HIVEP3: variants seen among roughly 807,000 people sequenced by gnomAD.
HIVEP3 encodes HIVEP zinc finger 3.
Under a neutral mutation model 152.8 loss-of-function variants are expected in HIVEP3, and 49 were observed. That is an observed-to-expected ratio of 0.32 (90% CI 0.26 to 0.41). HIVEP3 has a LOEUF of 0.41. Among genes scored for constraint, HIVEP3 ranks in the 10% least tolerant of loss-of-function variants. The pLI, the probability that HIVEP3 is intolerant of heterozygous loss-of-function variation, is 1.00. For synonymous variants in HIVEP3, 1,269 were observed against 1,289.0 expected (o/e 0.98, Z 0.33); for missense variants, 2,790 against 3,103.3 (o/e 0.90, Z 2.40).
chr1:41,892,759 C>A (rs1321071545), intron 1 of HIVEP3, among the ~76,000 whole-genome samples: 8 of 152,110 alleles, frequency 5.3e-5, no homozygotes, highest in Non-Finnish European at 1.2e-4. Context: ...CTCAAACCAG[C>A]CACATAGCCT....
intron 1 of HIVEP3, among the ~76,000 whole-genome samples, chr1:41,963,263 G>A (rs777858140): frequency 3.3e-5 from 5 of 151,994 alleles, no homozygotes; most frequent in South Asian, 4.2e-4. Context: ...CGCCTGCCTC[G>A]GCCTCCCAAA....
At chr1:41,677,999 G>A (rs1645982402) in intron 2 of HIVEP3, among the ~76,000 whole-genome samples, 1 of 152,240 alleles carries the variant, frequency 6.6e-6, no homozygotes, top group African/African-American at 2.4e-5. Context: ...GACAGGGCAT[G>A]CCTCTCTGTG....
At chr1:42,012,435 G>A (rs1481988008) in intron 1 of HIVEP3, among the ~76,000 whole-genome samples, 1 of 132,190 alleles carries the variant, frequency 7.6e-6, no homozygotes, top group African/African-American at 2.7e-5. Context: ...CCTTATAAGA[G>A]GAAGAGCATT....
chr1:42,014,445 G>A (rs139682097), intron 1 of HIVEP3, among the ~76,000 whole-genome samples: 1 of 152,208 alleles, frequency 6.6e-6, no homozygotes, highest in Non-Finnish European at 1.5e-5. Flanking sequence ...TGGATGAGCT[G>A]ATTCGGACTT....
chr1:41,903,784 C>G (rs1351059377), intron 1 of HIVEP3, among the ~76,000 whole-genome samples: 1 of 74,198 alleles, frequency 1.3e-5, no homozygotes, highest in Non-Finnish European at 2.5e-5. Context: ...ATGCTTGCCT[C>G]TTAAAAGAGT....
At chr1:41,616,962 A>G (rs1455855058) in intron 3 of HIVEP3, among the ~76,000 whole-genome samples, 1 of 152,138 alleles carries the variant, frequency 6.6e-6, no homozygotes, top group Admixed American at 6.5e-5. Context: ...ACTTTACCAA[A>G]GAGGAGTGTG....
At chr1:41,607,879 T>G (rs912840357) in intron 3 of HIVEP3, among the ~76,000 whole-genome samples, 7 of 152,198 alleles carry the variant, frequency 4.6e-5, no homozygotes, top group African/African-American at 1.7e-4. Context: ...TCTTCTGATA[T>G]CCACAGCACA....
intron 1 of HIVEP3, among the ~76,000 whole-genome samples, chr1:41,917,047 T>C (rs926081265): frequency 2.0e-5 from 3 of 152,176 alleles, no homozygotes; most frequent in African/African-American, 7.2e-5. Context: ...CTGACCTGTA[T>C]TCTTCACATT....
chr1:41,831,616 G>T (rs1006674277), intron 1 of HIVEP3, among the ~76,000 whole-genome samples: 1 of 152,184 alleles, frequency 6.6e-6, no homozygotes, highest in Non-Finnish European at 1.5e-5. Flanking sequence ...TCAACATGGG[G>T]TTCATCAAAG....
At chr1:41,515,954 G>A (rs1489233495) in intron 7 of HIVEP3, among the ~76,000 whole-genome samples, 1 of 152,182 alleles carries the variant, frequency 6.6e-6, no homozygotes, top group Non-Finnish European at 1.5e-5. Context: ...CAGGGGTAGT[G>A]TTAGGAGTGA....
chr1:42,029,611 A>T (rs1386960415), intron 1 of HIVEP3, among the ~76,000 whole-genome samples: 2 of 152,230 alleles, frequency 1.3e-5, no homozygotes, highest in East Asian at 3.8e-4. Context: ...AGTAGAGGGT[A>T]AAAATGCATT....
At chr1:41,660,401 C>T (rs960861220) in intron 2 of HIVEP3, among the ~76,000 whole-genome samples, 1 of 152,202 alleles carries the variant, frequency 6.6e-6, no homozygotes, top group Non-Finnish European at 1.5e-5. Context: ...AGCAGCAAGA[C>T]TGGTTCTAGA....
intron 1 of HIVEP3, among the ~76,000 whole-genome samples, chr1:41,943,884 A>T (rs2124486963): frequency 6.6e-6 from 1 of 152,382 alleles, no homozygotes; most frequent in Non-Finnish European, 1.5e-5. Context: ...CCATCAGCAG[A>T]TGAATGGATA....
rs559096932 is a variant in HIVEP3 at position 41,899,338 on chromosome 1, G to A, written c.-801+19075C>T. On this transcript the variant is annotated intron_variant, in intron 1 of 8. Coordinates refer to ENST00000372583, the MANE Select transcript of HIVEP3 (RefSeq NM_024503.5). ...TGTCTACCTAAAAAGAAAAATTAACGTTTATACTCTCCTGATGATGTTTAT... is the reference window on the plus strand; with the variant it reads ...TGTCTACCTAAAAAGAAAAATTAACATTTATACTCTCCTGATGATGTTTAT... 1.9e-4 allele frequency among the ~76,000 whole-genome samples: 29 copies of A among 152,232 alleles called. No individual in the cohort carries two copies. The South Asian group carries it at 3.5e-3, about 18-fold the overall frequency.
At chr1:41,577,211 T>C (rs1160264645) in intron 4 of HIVEP3, among the ~76,000 whole-genome samples, 1 of 152,218 alleles carries the variant, frequency 6.6e-6, no homozygotes, top group Non-Finnish European at 1.5e-5. Flanking sequence ...GACAACAATA[T>C]GAATAAGTAT....
rs555935760 is a variant in HIVEP3 at position 41,534,483 on chromosome 1, G to A, written c.5208-9573C>T. Among the ~76,000 whole-genome samples the A allele has an allele frequency of 1.3e-4, 20 of 152,216 alleles. No individual in the cohort carries two copies. In the East Asian group the frequency reaches 3.3e-3, roughly 25 times the overall value. The stretch of plus-strand genomic sequence containing the variant: ...AATTTGCACCAAGGTCCTGTCCTTC[G>A]GAGGCCTGTCCCACACCCCTCCTCT... On this transcript the variant is annotated intron_variant, in intron 5 of 8. Transcript: ENST00000372583.
At chr1:41,636,405 T>C (rs915779862) in intron 2 of HIVEP3, among the ~76,000 whole-genome samples, 15 of 152,160 alleles carry the variant, frequency 9.9e-5, no homozygotes, top group Non-Finnish European at 1.6e-4. Context: ...TGTTGGAAAA[T>C]AACTTTCAAA....
At chr1:41,834,377 TCTGGCTGCCCCTTAC>T (rs1643060566) in intron 1 of HIVEP3, among the ~76,000 whole-genome samples, 1 of 152,174 alleles carries the variant, frequency 6.6e-6, no homozygotes, top group African/African-American at 2.4e-5. Flanking sequence ...GTGGGCTCTG[TCTGGCTGCCCCTTAC>T]CTTATGAAAT....
intron 2 of HIVEP3, 30 bp downstream of exon 2, chr1:41,700,885 CT>C: frequency 1.1e-6 from 1 of 945,548 alleles, no homozygotes; most frequent in Non-Finnish European, 1.3e-6. Flanking sequence ...TGAAACTGCC[CT>C]GTGTCCTGTG....
Sources: gnomAD v4.1 joint callset for allele counts (sites outside exome capture counted in the v4.1 genomes callset) on GRCh38, gnomAD v4.1.1 for gene constraint, MANE v1.5 for transcripts, NCBI Gene and HGNC (gene_info 2026-07-23, HGNC 2026-07-21) for gene names.